PARD3: variants seen among roughly 807,000 people sequenced by gnomAD.
PARD3 encodes the protein partitioning defective 3 homolog.
Under a neutral mutation model 155.4 loss-of-function variants are expected in PARD3, and 75 were observed. The observed-to-expected ratio is 0.48, with a 90% confidence interval of 0.40 to 0.58. PARD3 has a LOEUF of 0.58. Among genes scored for constraint, PARD3 ranks in the 20% least tolerant of loss-of-function variants. PARD3 has a pLI of 0.00. For missense variants in PARD3, 1,642 were observed against 1,721.7 expected, an observed-to-expected ratio of 0.95 and a Z score of 0.82; for synonymous variants, 576 against 610.5, an observed-to-expected ratio of 0.94 and a Z score of 0.83.
intron 18 of PARD3, among the ~76,000 whole-genome samples, chr10:34,334,942 T>C (rs889672783): frequency 1.3e-5 from 2 of 151,902 alleles, no homozygotes; most frequent in African/African-American, 4.8e-5. Context: ...AAATTAAGTA[T>C]TTTTCTTATT....
intron 1 of PARD3, among the ~76,000 whole-genome samples, chr10:34,727,172 A>G (rs2094729184): frequency 6.6e-6 from 1 of 152,140 alleles, no homozygotes; most frequent in African/African-American, 2.4e-5. Context: ...AAGAGTCACA[A>G]GCTCATAAGC....
In PARD3 at chr10:34,110,364, C is replaced by T. The variant is rs1401331105; in HGVS notation, c.*805G>A. 6.6e-6 allele frequency: 1 copy of T among 152,170 alleles called. No homozygotes were observed. The highest frequency in any genetic ancestry group is 2.4e-5 in the African/African-American group (1 of 41,434). 9.4% of individuals were successfully genotyped at this position (152,170 alleles called of 1,614,324 possible). A position where few individuals can be genotyped will look rare whatever the true frequency, so the allele number is the denominator to read the frequency against. ...AGGAGAATTTCTTTCTTAGCTCTCC[C>T]CTCATGATAGACACAGGGCCAATGG... On this transcript the variant is annotated 3_prime_UTR_variant, in exon 25 of 25. Transcript: ENST00000374788.
At chr10:34,787,260 T>C (rs1485214067) in intron 1 of PARD3, among the ~76,000 whole-genome samples, 1 of 152,124 alleles carries the variant, frequency 6.6e-6, no homozygotes, top group Non-Finnish European at 1.5e-5. Context: ...GCGCCTGTAA[T>C]CCCAGCTACT....
chr10:34,343,677 G>T (rs1837076072), intron 15 of PARD3: 2 of 984,772 alleles, frequency 2.0e-6, no homozygotes, highest in Non-Finnish European at 2.4e-6. Context: ...GCTGCACCTA[G>T]ACAATACAAT....
At chr10:34,608,039 C>T (rs1294525154) in intron 2 of PARD3, among the ~76,000 whole-genome samples, 1 of 152,166 alleles carries the variant, frequency 6.6e-6, no homozygotes, top group Non-Finnish European at 1.5e-5. Flanking sequence ...CCTGAGTAAT[C>T]CTGAGGAAGA....
chr10:34,402,999 T>C (rs1313030957), intron 5 of PARD3, among the ~76,000 whole-genome samples: 1 of 152,178 alleles, frequency 6.6e-6, no homozygotes, highest in East Asian at 1.9e-4. Flanking sequence ...AATGGACTTA[T>C]TAGCCAGATT....
chr10:34,682,104 C>T (rs2093853951), intron 2 of PARD3, among the ~76,000 whole-genome samples: 1 of 152,110 alleles, frequency 6.6e-6, no homozygotes, highest in South Asian at 2.1e-4. Context: ...AAGTTCCCAG[C>T]AGCCAAGAGA....
intron 20 of PARD3, among the ~76,000 whole-genome samples, chr10:34,310,761 T>C (rs1285102495): frequency 6.6e-6 from 1 of 152,242 alleles, no homozygotes; most frequent in Non-Finnish European, 1.5e-5. Context: ...AATGGGAACC[T>C]CTGTTTCAAT....
At position 34,744,643 on chromosome 10, in the gene PARD3, C is replaced by G. The variant is rs372220863; in HGVS notation, c.121-48224G>C. 1.1e-4 allele frequency among the ~76,000 whole-genome samples: 17 copies of G among 152,346 alleles called. No individual in the cohort carries two copies. The South Asian group carries it at 3.5e-3, about 32-fold the overall frequency. ...AAACTACAAGGAATCATAGCGTTTA[C>G]AAGGGCTGGAACAGAGGTGAGACTA... is the stretch of plus-strand genomic sequence containing the variant. On this transcript the variant is annotated intron_variant, in intron 1 of 24. Coordinates refer to ENST00000374788, the MANE Select transcript of PARD3 (RefSeq NM_001184785.2).
At chr10:34,307,288 G>A (rs1036069712) in intron 20 of PARD3, among the ~76,000 whole-genome samples, 1 of 152,116 alleles carries the variant, frequency 6.6e-6, no homozygotes, top group African/African-American at 2.4e-5. Context: ...TTTAAGGGAA[G>A]AAACACTTGG....
intron 4 of PARD3, among the ~76,000 whole-genome samples, chr10:34,455,500 T>C (rs2132862167): frequency 6.6e-6 from 1 of 152,152 alleles, no homozygotes; most frequent in Middle Eastern, 3.4e-3. Flanking sequence ...TGGCTTAGAA[T>C]GATTTTTTTT....
At chr10:34,703,055 G>C (rs1055509973) in intron 1 of PARD3, among the ~76,000 whole-genome samples, 4 of 152,196 alleles carry the variant, frequency 2.6e-5, no homozygotes, top group Admixed American at 6.5e-5. Flanking sequence ...CGTGGTGAGA[G>C]AGAATTTTTT....
In PARD3 at chr10:34,516,990, A is replaced by T. The variant is rs931607207; in HGVS notation, c.392T>A (p.Val131Asp). Residue 131 changes from valine (V) to aspartate (D), a missense_variant, in exon 3 of 25, where the codon GTC (valine) becomes GAC (aspartate). By Grantham distance (152) the Val-to-Asp change is radical. This residue lies in a region of PARD3 where 1,529 missense variants were observed against 1,587.3 expected (regional missense o/e 0.96). Transcript: ENST00000374788. ...GAGCTTTCACTTACTTGCTCGAAGG[A>T]CTGAAGGTGTGACCTCAATTTCACT... is the stretch of plus-strand genomic sequence containing the variant. ...ATSEIEVTPSVLRANMPLHVR... is the reference protein window; with the variant it reads ...ATSEIEVTPSDLRANMPLHVR... 1.4e-5 allele frequency: 22 copies of T among 1,613,976 alleles called. No homozygotes were observed. The highest frequency in any genetic ancestry group is 1.9e-5 in the Non-Finnish European group (22 of 1,179,940).
intron 22 of PARD3, among the ~76,000 whole-genome samples, chr10:34,179,844 CAA>C (rs1307895426): frequency 6.6e-6 from 1 of 151,932 alleles, no homozygotes; most frequent in African/African-American, 2.4e-5. Context: ...TAGGAAAAAG[CAA>C]AAGAGGAGAA....
chr10:34,727,878 CCACACACACACA>C (rs61342514), intron 1 of PARD3, among the ~76,000 whole-genome samples: 3 of 144,712 alleles, frequency 2.1e-5, no homozygotes, highest in South Asian at 2.2e-4. Context: ...CCTCCCTCCG[CCACACACACACA>C]CACACACACA....
At chr10:34,678,708 T>C (rs2093757149) in intron 2 of PARD3, among the ~76,000 whole-genome samples, 1 of 152,068 alleles carries the variant, frequency 6.6e-6, no homozygotes, top group Non-Finnish European at 1.5e-5. Context: ...ATCAGTATGA[T>C]TTTGAAAACA....
intron 18 of PARD3, among the ~76,000 whole-genome samples, chr10:34,333,110 T>C (rs551466705): frequency 6.6e-6 from 1 of 152,250 alleles, no homozygotes; most frequent in Non-Finnish European, 1.5e-5. Context: ...GGCAAATATT[T>C]GGTGCTTTCT....
At chr10:34,346,434 G>C in intron 15 of PARD3, 1 of 1,348,236 alleles carries the variant, frequency 7.4e-7, no homozygotes, top group Non-Finnish European at 9.9e-7. Flanking sequence ...GATTCAGTAT[G>C]GCAAGTCCTA....
At chr10:34,316,027 T>C (rs1399594772) in intron 20 of PARD3, among the ~76,000 whole-genome samples, 1 of 152,230 alleles carries the variant, frequency 6.6e-6, no homozygotes, top group Non-Finnish European at 1.5e-5. Context: ...GTCTGACTTA[T>C]CTATACCTCC....
Sources: gnomAD v4.1 joint callset for allele counts (sites outside exome capture counted in the v4.1 genomes callset) on GRCh38, gnomAD v4.1.1 for gene constraint, gnomAD v4.1.1 regional missense constraint, MANE v1.5 for transcripts, NCBI Gene and HGNC (gene_info 2026-07-23, HGNC 2026-07-21) for gene names.